The following WDR20 variants were observed in gnomAD, a reference collection of about 807,000 sequenced individuals.
WDR20 encodes WD repeat-containing protein 20.
WDR20 carries 3 observed loss-of-function variants against 38.7 expected under a neutral mutation model. The ratio of observed to expected loss-of-function variants is 0.08; its 90% CI spans 0.04 to 0.20. The LOEUF is 0.20. Among genes scored for constraint, WDR20 ranks in the 10% least tolerant of loss-of-function variants. WDR20 has a pLI of 1.00. For missense variants in WDR20, 559 were observed against 727.7 expected (o/e 0.77, Z 2.67); for synonymous variants, 298 against 285.6 (o/e 1.04, Z -0.44).
chr14:102,158,039 C>T (rs2057826621), intron 1 of WDR20, among the ~76,000 whole-genome samples: 1 of 152,034 alleles, frequency 6.6e-6, no homozygotes, highest in Non-Finnish European at 1.5e-5. Flanking sequence ...TCAGCCCCTG[C>T]CTCACTGCCA....
At chr14:102,189,799 A>G (rs996935691) in intron 1 of WDR20, among the ~76,000 whole-genome samples, 1 of 152,210 alleles carries the variant, frequency 6.6e-6, no homozygotes, top group Admixed American at 6.5e-5. Context: ...AAGAGTTTTT[A>G]TTATAATTTT....
chr14:102,197,775 GA>G (rs1395459689), intron 2 of WDR20: 1 of 702,400 alleles, frequency 1.4e-6, no homozygotes, highest in East Asian at 2.7e-5. Flanking sequence ...AGCACTTGTG[GA>G]AGGTGGATTG....
At chr14:102,188,610 G>A (rs1212184516) in intron 1 of WDR20, among the ~76,000 whole-genome samples, 3 of 151,986 alleles carry the variant, frequency 2.0e-5, no homozygotes, top group Non-Finnish European at 4.4e-5. Flanking sequence ...ACTTACATCT[G>A]TAATCCCAGC....
chr14:102,212,340 C>T (rs1257050253), downstream of WDR20, among the ~76,000 whole-genome samples: 2 of 152,228 alleles, frequency 1.3e-5, no homozygotes, highest in African/African-American at 4.8e-5. Context: ...TACGTGCCCT[C>T]CCCAAGGCCC....
downstream of WDR20, chr14:102,224,768 G>A (rs1022757978): frequency 2.2e-5 from 10 of 455,944 alleles, no homozygotes; most frequent in Admixed American, 7.0e-5. Flanking sequence ...TCTGGATCAC[G>A]GGGCCATGAA....
intron 1 of WDR20, chr14:102,191,421 C>G (rs2066387278): frequency 6.5e-6 from 1 of 152,912 alleles, no homozygotes; most frequent in East Asian, 1.9e-4. Flanking sequence ...CCCCGCCCCC[C>G]AGAAGAGGAG....
chr14:102,146,621 A>G (rs567946779), intron 1 of WDR20, among the ~76,000 whole-genome samples: 1 of 152,102 alleles, frequency 6.6e-6, no homozygotes, highest in Non-Finnish European at 1.5e-5. Context: ...CATATGGGAA[A>G]TGTTCTGTCT....
chr14:102,159,830 T>C (rs1275552808), intron 1 of WDR20, among the ~76,000 whole-genome samples: 1 of 151,530 alleles, frequency 6.6e-6, no homozygotes, highest in Non-Finnish European at 1.5e-5. Flanking sequence ...GAAGAGCCTG[T>C]CTCCAAAAAA....
intron 2 of WDR20, among the ~76,000 whole-genome samples, chr14:102,195,369 C>G (rs1170736764): frequency 6.6e-6 from 1 of 152,006 alleles, no homozygotes; most frequent in Non-Finnish European, 1.5e-5. Context: ...TTTTAAAACT[C>G]TTCTATAATG....
chr14:102,169,009 T>C (rs191282988), intron 1 of WDR20, among the ~76,000 whole-genome samples: 43 of 152,328 alleles, frequency 2.8e-4, no homozygotes, highest in Non-Finnish European at 5.7e-4. Context: ...CTATAGCGCT[T>C]AGAATAAGAT....
At position 102,140,182 on chromosome 14, in the gene WDR20, C is replaced by G; in HGVS notation, c.249+10C>G. 1 of 1,609,232 alleles carries G rather than the reference C, an allele frequency of 6.2e-7. No homozygotes were observed. Among genetic ancestry groups the G allele is most frequent in the Admixed American group, 1.7e-5 (1 of 59,988 alleles). The stretch of plus-strand genomic sequence containing the variant: ...CAAGGGGGTCCGCAAGGTACCGACC[C>G]GGGCGTCACCGGAGCCAGCCAGCGG... On this transcript the variant is annotated intron_variant, in intron 1 of 2. Transcript: ENST00000342702.
At chr14:102,200,353 G>A (rs2060085605) in intron 2 of WDR20, among the ~76,000 whole-genome samples, 2 of 152,176 alleles carry the variant, frequency 1.3e-5, no homozygotes, top group South Asian at 4.1e-4. Flanking sequence ...CCAGATCGTG[G>A]AGCGTGTCCT....
downstream of WDR20, among the ~76,000 whole-genome samples, chr14:102,216,668 G>T (rs914608625): frequency 6.6e-6 from 1 of 152,220 alleles, no homozygotes; most frequent in African/African-American, 2.4e-5. Flanking sequence ...GGTGGCTCAT[G>T]CCTGTAATCC....
intron 2 of WDR20, among the ~76,000 whole-genome samples, chr14:102,206,452 TTG>T (rs1380910755): frequency 6.6e-6 from 1 of 152,234 alleles, no homozygotes; most frequent in Non-Finnish European, 1.5e-5. Context: ...CAGTTTTTTG[TTG>T]TGTTTTTTAA....
At chr14:102,211,468 G>A (rs1276098510), downstream of WDR20, among the ~76,000 whole-genome samples, 1 of 152,108 alleles carries the variant, frequency 6.6e-6, no homozygotes, top group South Asian at 2.1e-4. The surrounding 1 kb of genome is among the most constrained non-coding windows in gnomAD (Gnocchi z 4.2). Flanking sequence ...GCCCATCGTG[G>A]GCCTTAACGC....
chr14:102,148,398 G>C (rs2054422071), intron 1 of WDR20, among the ~76,000 whole-genome samples: 1 of 152,012 alleles, frequency 6.6e-6, no homozygotes, highest in Admixed American at 6.6e-5. Flanking sequence ...AAATTAGCCA[G>C]GTGTGGTGGT....
At chr14:102,223,535 A>G (rs2064128920) in exon 4 of WDR20, 1 of 152,514 alleles carries the variant, frequency 6.6e-6, no homozygotes, top group Non-Finnish European at 1.5e-5. Context: ...GTTGTTTCCA[A>G]TGCAATCAAC....
intron 1 of WDR20, among the ~76,000 whole-genome samples, chr14:102,190,285 C>G (rs924039809): frequency 6.6e-6 from 1 of 152,138 alleles, no homozygotes; most frequent in Non-Finnish European, 1.5e-5. Context: ...TTAGGCCAGG[C>G]GCAGTGGCTC....
chr14:102,198,465 C>T (rs1034783513), intron 2 of WDR20: 13 of 165,356 alleles, frequency 7.9e-5, no homozygotes, highest in East Asian at 3.8e-4. Flanking sequence ...ATCTCTCGGA[C>T]GAAGTGCTAT....
Sources: allele counts gnomAD v4.1 joint callset (sites outside exome capture counted in the v4.1 genomes callset), GRCh38; gene constraint gnomAD v4.1.1; non-coding constraint Gnocchi (gnomAD v3.1); transcripts MANE v1.5; gene names NCBI Gene and HGNC (gene_info 2026-07-23, HGNC 2026-07-21).